The following UIMC1 variants were observed in gnomAD, a reference collection of about 807,000 sequenced individuals.
The protein encoded by UIMC1 is ubiquitin interaction motif containing 1, also known as BRCA1-A complex subunit RAP80.
A neutral mutation model predicts 84.9 loss-of-function variants in UIMC1; 42 were observed. The observed-to-expected ratio is 0.49, with a 90% CI of 0.39 to 0.64. The LOEUF (loss-of-function observed/expected upper bound fraction) is 0.64, where lower values mean the gene tolerates loss of function less well. UIMC1 is among the 30% of genes least tolerant of loss of function. The probability of loss-of-function intolerance (pLI) is 0.00; values close to 1 mark genes in which losing one functional copy is unlikely to be tolerated. For synonymous variants in UIMC1, 281 were observed against 293.0 expected (o/e 0.96, Z 0.42); for missense variants, 825 against 847.6 (o/e 0.97, Z 0.33).
chr5:176,977,808 G>T (rs1219902264), intron 2 of UIMC1, among the ~76,000 whole-genome samples: 1 of 151,720 alleles, frequency 6.6e-6, no homozygotes, highest in Non-Finnish European at 1.5e-5. Context: ...TACTCCGCAG[G>T]CTGAGGCAGG....
In UIMC1 at chr5:177,018,675, C is replaced by T. The variant is rs564715577; in HGVS notation, c.-9+3789G>A. Among the ~76,000 whole-genome samples the T allele has an allele frequency of 3.7e-3, 560 of 152,264 alleles. 2 individuals carry two copies. Among genetic ancestry groups the T allele is most frequent in the Non-Finnish European group, 4.6e-3 (310 of 68,022 alleles). ...CCAGGTCCCAGCAAGGAGTCCAGGC[C>T]TGGGCCATTCCTGGAAGCACTTACA... On this transcript the variant is annotated intron_variant, in intron 1 of 5. Transcript: ENST00000509236.
At chr5:176,923,870 A>ATAT (rs1411904474) in intron 10 of UIMC1, among the ~76,000 whole-genome samples, 1 of 117,492 alleles carries the variant, frequency 8.5e-6, no homozygotes, top group Admixed American at 1.0e-4. Flanking sequence ...TCTCAAAAAA[A>ATAT]AAAAATATAT....
intron 1 of UIMC1, among the ~76,000 whole-genome samples, chr5:176,995,147 G>C (rs1490602628): frequency 3.3e-5 from 5 of 152,060 alleles, no homozygotes; most frequent in Admixed American, 3.3e-4. Flanking sequence ...TAATTACTCA[G>C]TAGAAATGAA....
At chr5:177,002,951 G>T (rs1203790561) in intron 1 of UIMC1, among the ~76,000 whole-genome samples, 2 of 151,928 alleles carry the variant, frequency 1.3e-5, no homozygotes, top group Admixed American at 6.6e-5. Context: ...CATGAAAACT[G>T]GACTCCAATT....
upstream of UIMC1, among the ~76,000 whole-genome samples, chr5:177,010,486 A>C (rs1334985247): frequency 6.6e-6 from 1 of 152,184 alleles, no homozygotes; most frequent in Non-Finnish European, 1.5e-5. Context: ...ATATATCTAA[A>C]AGTATTCCCA....
At chr5:177,019,947 A>G (rs1775753235) in intron 1 of UIMC1, among the ~76,000 whole-genome samples, 1 of 152,080 alleles carries the variant, frequency 6.6e-6, no homozygotes, top group Admixed American at 6.6e-5. Context: ...AAAAATTGTA[A>G]AACACTGGCC....
intron 1 of UIMC1, among the ~76,000 whole-genome samples, chr5:176,986,604 C>T (rs566316808): frequency 9.5e-4 from 141 of 148,574 alleles, no homozygotes; most frequent in Non-Finnish European, 1.8e-3. Flanking sequence ...TTTTGGGAGA[C>T]CAAAGCAGGA....
intron 8 of UIMC1, among the ~76,000 whole-genome samples, chr5:176,953,711 G>A (rs1766216644): frequency 6.6e-6 from 1 of 152,110 alleles, no homozygotes; most frequent in African/African-American, 2.4e-5. Flanking sequence ...CCAACTAAGA[G>A]GGCATTAGCT....
Position 176,931,003 on chromosome 5 carries a change from T to G in UIMC1, c.1597+12332A>C, listed in dbSNP as rs934242179. On this transcript the variant is annotated intron_variant, in intron 10 of 14. Transcript: ENST00000511320. The stretch of plus-strand genomic sequence containing the variant: ...TCCACGGTCTTCTCAAACATTCCCC[T>G]GTGTGTCCCAGCTCTACACATGGAA... 2.6e-5 allele frequency among the ~76,000 whole-genome samples: 4 copies of G among 151,178 alleles called. No individual in the cohort carries two copies. In the East Asian group the frequency reaches 7.8e-4, roughly 30 times the overall value.
chr5:176,973,579 C>CAAAAAAAAAAA (rs779224466), intron 3 of UIMC1, among the ~76,000 whole-genome samples: 1 of 78,458 alleles, frequency 1.3e-5, no homozygotes, highest in African/African-American at 4.9e-5. Flanking sequence ...GACCCTGTCT[C>CAAAAAAAAAAA]AAAAAAAAAA....
intron 9 of UIMC1, among the ~76,000 whole-genome samples, chr5:176,949,671 G>A (rs1227453023): frequency 2.6e-5 from 4 of 152,206 alleles, no homozygotes; most frequent in African/African-American, 2.4e-5. Context: ...CAGAGAACCA[G>A]GCAGTGTGCA....
chr5:176,943,275 T>C (rs1431587921), intron 10 of UIMC1, 60 bp downstream of exon 10: 72 of 1,586,900 alleles, frequency 4.5e-5, no homozygotes, highest in African/African-American at 5.4e-5. Context: ...TTGTAATGTA[T>C]AGGATTATAA....
At chr5:176,982,686 G>C (rs1429351150) in intron 1 of UIMC1, 63 bp from the exon 2 acceptor site, 1 of 1,511,546 alleles carries the variant, frequency 6.6e-7, no homozygotes, top group Admixed American at 2.3e-5. Flanking sequence ...TAAAGTATAA[G>C]TTTTCTAGAA....
chr5:176,975,166 A>T (rs867515783), intron 3 of UIMC1, among the ~76,000 whole-genome samples: 18 of 152,218 alleles, frequency 1.2e-4, no homozygotes, highest in Middle Eastern at 3.4e-3. Context: ...ATTTAAAAAA[A>T]TTTTTTTAAA....
At chr5:176,995,452 G>A (rs1773459119) in intron 1 of UIMC1, among the ~76,000 whole-genome samples, 1 of 149,828 alleles carries the variant, frequency 6.7e-6, no homozygotes, top group Admixed American at 6.7e-5. Context: ...AGGAGGCTGG[G>A]GTAGGAGAAT....
At chr5:176,917,348 G>T (rs1761125807) in intron 10 of UIMC1, among the ~76,000 whole-genome samples, 1 of 152,196 alleles carries the variant, frequency 6.6e-6, no homozygotes, top group African/African-American at 2.4e-5. Flanking sequence ...AAGGCAGGCG[G>T]ATCACTTGGG....
At chr5:176,947,001 T>C (rs1338416084) in intron 9 of UIMC1, among the ~76,000 whole-genome samples, 1 of 152,208 alleles carries the variant, frequency 6.6e-6, no homozygotes, top group Non-Finnish European at 1.5e-5. Flanking sequence ...AAATGTTACA[T>C]GACGCAAATG....
At chr5:177,018,836 C>G (rs1185483382) in intron 1 of UIMC1, among the ~76,000 whole-genome samples, 1 of 152,162 alleles carries the variant, frequency 6.6e-6, no homozygotes. Flanking sequence ...TTATTTTGAG[C>G]ATGTAATTGG....
intron 10 of UIMC1, among the ~76,000 whole-genome samples, chr5:176,936,085 C>A (rs1763687304): frequency 6.6e-6 from 1 of 152,138 alleles, no homozygotes; most frequent in East Asian, 1.9e-4. Context: ...TTAGTTCTAC[C>A]CAACTAGTGG....
Sources: allele counts gnomAD v4.1 joint callset (sites outside exome capture counted in the v4.1 genomes callset), GRCh38; gene constraint gnomAD v4.1.1; transcripts MANE v1.5; gene names NCBI Gene and HGNC (gene_info 2026-07-23, HGNC 2026-07-21).